Variants in GUCY1A1 observed in about 807,000 individuals in gnomAD.
GUCY1A1 encodes guanylate cyclase 1 soluble subunit alpha 1.
A neutral mutation model predicts 64.5 loss-of-function variants in GUCY1A1; 48 were observed. That is an observed-to-expected ratio of 0.74 (90% CI 0.59 to 0.95). The LOEUF (loss-of-function observed/expected upper bound fraction) is 0.95. Among genes scored for constraint, GUCY1A1 ranks in the 40% least tolerant of loss-of-function variants. The probability of loss-of-function intolerance (pLI) is 0.00; values close to 1 mark genes in which losing one functional copy is unlikely to be tolerated. For synonymous variants in GUCY1A1, 308 were observed against 303.4 expected (o/e 1.02, Z -0.16); for missense variants, 804 against 825.3 (o/e 0.97, Z 0.32).
intron 2 of GUCY1A1, among the ~76,000 whole-genome samples, chr4:155,686,480 CA>C (rs1314348760): frequency 6.6e-6 from 1 of 151,746 alleles, no homozygotes; most frequent in African/African-American, 2.4e-5. Flanking sequence ...GACTCCGTCT[CA>C]AAAAAAAGAA....
chr4:155,698,579 T>C (rs1001526085), intron 3 of GUCY1A1, among the ~76,000 whole-genome samples: 3 of 152,174 alleles, frequency 2.0e-5, no homozygotes, highest in African/African-American at 7.2e-5. Context: ...TGGTAAATTT[T>C]GAATTTCTGC....
chr4:155,682,372 C>T (rs1735898792), intron 2 of GUCY1A1, among the ~76,000 whole-genome samples: 1 of 152,072 alleles, frequency 6.6e-6, no homozygotes, highest in Non-Finnish European at 1.5e-5. Flanking sequence ...AATAAAATTT[C>T]TTATATATAC....
intron 3 of GUCY1A1, 85 bp downstream of exon 3, chr4:155,697,207 C>T (rs1730535072): frequency 1.1e-6 from 1 of 936,904 alleles, no homozygotes. Context: ...TAAACACTTC[C>T]TTTCTCACTT....
chr4:155,725,514 T>C (rs1368331001), intron 9 of GUCY1A1, among the ~76,000 whole-genome samples: 2 of 152,114 alleles, frequency 1.3e-5, no homozygotes, highest in Admixed American at 6.6e-5. Context: ...TTAAGTGATG[T>C]GTTATGTGTA....
At chr4:155,692,613 T>C (rs1729892791) in intron 2 of GUCY1A1, among the ~76,000 whole-genome samples, 2 of 152,332 alleles carry the variant, frequency 1.3e-5, no homozygotes, top group Non-Finnish European at 2.9e-5. Context: ...TTGAAAAGTG[T>C]CTTTTTCTAA....
intron 9 of GUCY1A1, among the ~76,000 whole-genome samples, chr4:155,726,635 C>A (rs1483090345): frequency 6.6e-6 from 1 of 151,546 alleles, no homozygotes; most frequent in African/African-American, 2.4e-5. Flanking sequence ...CATACCTATA[C>A]CAAAAAAAAA....
chr4:155,730,111 C>G lies in GUCY1A1; in HGVS notation c.1953C>G (p.Pro651=). The G allele has an allele frequency of 3.1e-6, 5 of 1,610,756 alleles. No individual in the cohort carries two copies. Among genetic ancestry groups the G allele is most frequent in the Non-Finnish European group, 4.2e-6 (5 of 1,177,480 alleles). The change falls in exon 10 of 10, where the codon CCC becomes CCG. Residue 651 remains proline, a synonymous_variant. Transcript: ENST00000506455. ...ELPPNFPSEI[P]GICHFLDAYQ... The stretch of plus-strand genomic sequence containing the variant: ...CACCAAACTTCCCTAGTGAAATCCC[C>G]GGAATCTGCCATTTTCTGGATGCTT...
chr4:155,678,699 T>G (rs752496834), intron 2 of GUCY1A1, among the ~76,000 whole-genome samples: 9 of 152,342 alleles, frequency 5.9e-5, no homozygotes, highest in Admixed American at 5.2e-4. Context: ...TTGCAAGTTT[T>G]CCTGATGATT....
intron 2 of GUCY1A1, among the ~76,000 whole-genome samples, chr4:155,675,542 T>G (rs773766611): frequency 2.6e-5 from 4 of 151,638 alleles, no homozygotes; most frequent in Non-Finnish European, 5.9e-5. Context: ...TTTAATGTTT[T>G]AAAATATTTG....
intron 3 of GUCY1A1, among the ~76,000 whole-genome samples, chr4:155,702,941 A>G (rs1731282441): frequency 1.3e-5 from 2 of 151,058 alleles, no homozygotes; most frequent in African/African-American, 4.8e-5. Flanking sequence ...GGGAAACTAT[A>G]GAAAGAATCA....
At chr4:155,723,771 T>A (rs1734289914) in intron 9 of GUCY1A1, among the ~76,000 whole-genome samples, 1 of 152,042 alleles carries the variant, frequency 6.6e-6, no homozygotes, top group African/African-American at 2.4e-5. Flanking sequence ...CAAGTGATTC[T>A]CCTGCCTCAG....
intron 2 of GUCY1A1, among the ~76,000 whole-genome samples, chr4:155,691,651 C>T (rs1729754196): frequency 6.6e-6 from 1 of 152,142 alleles, no homozygotes; most frequent in African/African-American, 2.4e-5. Flanking sequence ...AAGCTCATAT[C>T]TTTTTAATCA....
intron 9 of GUCY1A1, among the ~76,000 whole-genome samples, chr4:155,724,339 G>T (rs976281453): frequency 2.0e-5 from 3 of 152,066 alleles, no homozygotes; most frequent in Non-Finnish European, 4.4e-5. Context: ...TTGTTTCCAA[G>T]TCCGGCTTCT....
At chr4:155,674,501 C>T (rs1391052790) in intron 2 of GUCY1A1, among the ~76,000 whole-genome samples, 1 of 151,480 alleles carries the variant, frequency 6.6e-6, no homozygotes, top group Non-Finnish European at 1.5e-5. Flanking sequence ...AGTCCAGCAT[C>T]TTCGTTCTTT....
chr4:155,672,964 A>G (rs968459677), intron 2 of GUCY1A1, among the ~76,000 whole-genome samples: 1 of 152,138 alleles, frequency 6.6e-6, no homozygotes. Context: ...TTCTACTTTT[A>G]TAAGTATGGA....
Position 155,696,842 on chromosome 4 carries a change from G to A in GUCY1A1, c.-26G>A, listed in dbSNP as rs2306557. The stretch of plus-strand genomic sequence containing the variant: ...AACTACAGCTCATCAGGAGGAGATC[G>A]CAGCAGGGTAAGAGACACCAACACC... On this transcript the variant is annotated 5_prime_UTR_variant, in exon 3 of 10. Coordinates refer to ENST00000506455, the MANE Select transcript of GUCY1A1 (RefSeq NM_001130682.3). 408,241 of 1,604,166 alleles carry A rather than the reference G, an allele frequency of 0.25. 53,119 individuals carry two copies. Among genetic ancestry groups the A allele is most frequent in the Middle Eastern group, 0.27 (1,653 of 6,022 alleles).
At chr4:155,667,683 A>G (rs1207135802) in intron 2 of GUCY1A1, 1 of 151,494 alleles carries the variant, frequency 6.6e-6, no homozygotes, top group East Asian at 1.9e-4. Flanking sequence ...GGCGCCGAGC[A>G]GCGCCGCGCC....
At chr4:155,692,536 A>G (rs1729882550) in intron 2 of GUCY1A1, among the ~76,000 whole-genome samples, 1 of 152,142 alleles carries the variant, frequency 6.6e-6, no homozygotes, top group African/African-American at 2.4e-5. Flanking sequence ...TTTGATTTGC[A>G]TTTCTCTAAT....
chr4:155,716,600 A>G (rs573852407), intron 7 of GUCY1A1, among the ~76,000 whole-genome samples: 18 of 152,266 alleles, frequency 1.2e-4, no homozygotes, highest in Non-Finnish European at 1.9e-4. Context: ...TGTGATTAGT[A>G]TCCATTAGAT....
Sources: allele counts gnomAD v4.1 joint callset (sites outside exome capture counted in the v4.1 genomes callset), GRCh38; gene constraint gnomAD v4.1.1; transcripts MANE v1.5; gene names NCBI Gene and HGNC (gene_info 2026-07-23, HGNC 2026-07-21).